The following RAB3A variants were observed in gnomAD, a reference collection of about 807,000 sequenced individuals.
RAB3A encodes the protein RAB3A, member RAS oncogene family, also known as ras-related protein Rab-3A.
In RAB3A, 5 loss-of-function variants were observed where a neutral mutation model predicts 19.7. The observed-to-expected ratio is 0.25, with a 90% CI of 0.13 to 0.53. The LOEUF is 0.53. RAB3A is among the 20% of genes least tolerant of loss of function. The pLI, the probability that RAB3A is intolerant of heterozygous loss-of-function variation, is 0.95. For missense variants in RAB3A, 189 were observed against 305.6 expected (o/e 0.62, Z 2.85); for synonymous variants, 119 against 122.1 (o/e 0.97, Z 0.17).
chr19:18,197,383 C>G lies in RAB3A; in HGVS notation c.*87G>C. On this transcript the variant is annotated 3_prime_UTR_variant, in exon 5 of 5. Coordinates refer to ENST00000222256, the MANE Select transcript of RAB3A (RefSeq NM_002866.5). ...TAAGTCAGGAGCAGGGGTCTTGTGC[C>G]CGTGGCTGGTAGGGGCCGGGTCAGG... 1 of 1,270,226 alleles carries G rather than the reference C, an allele frequency of 7.9e-7. No homozygotes were observed. The highest frequency in any genetic ancestry group is 1.1e-6 in the Non-Finnish European group (1 of 910,760). 78.7% of individuals were successfully genotyped at this position (1,270,226 alleles called of 1,614,324 possible).
At chr19:18,199,612 C>T (rs1967581273) in intron 3 of RAB3A, among the ~76,000 whole-genome samples, 1 of 151,954 alleles carries the variant, frequency 6.6e-6, no homozygotes, top group Admixed American at 6.6e-5. Context: ...CAACCTCCAC[C>T]TCCCGGGTTC....
chr19:18,201,948 C>T (rs1967619284), intron 2 of RAB3A, among the ~76,000 whole-genome samples: 1 of 151,848 alleles, frequency 6.6e-6, no homozygotes, highest in African/African-American at 2.4e-5. Flanking sequence ...TTAAAACTAA[C>T]AAGGCCAGGT....
chr19:18,199,611 C>T (rs1967581231), intron 3 of RAB3A, among the ~76,000 whole-genome samples: 1 of 151,934 alleles, frequency 6.6e-6, no homozygotes, highest in Non-Finnish European at 1.5e-5. Context: ...GCAACCTCCA[C>T]CTCCCGGGTT....
rs758944651 is a variant in RAB3A at position 18,202,468 on chromosome 19, G to A, written c.228+45C>T. ...AGGTTGGGGCTGCTTTTCCAAGTAC[G>A]GGAATCCAACCGAGCCGGGCGGGAG... On this transcript the variant is annotated intron_variant, in intron 2 of 4. Coordinates refer to ENST00000222256, the MANE Select transcript of RAB3A (RefSeq NM_002866.5). This position sits in a 1 kb window ranked among gnomAD's most constrained non-coding sequence, Gnocchi z 4.2. The A allele has an allele frequency of 5.6e-5, 87 of 1,555,108 alleles. No homozygotes were observed. Among genetic ancestry groups the A allele is most frequent in the Admixed American group, 1.2e-4 (7 of 59,354 alleles).
In RAB3A at chr19:18,197,512, G is replaced by A. The variant is rs772018564; in HGVS notation, c.621C>T (p.Leu207=). The A allele has an allele frequency of 1.2e-6, 2 of 1,613,216 alleles. No homozygotes were observed. Among genetic ancestry groups the A allele is most frequent in the East Asian group, 2.2e-5 (1 of 44,872 alleles). Residue 207 remains leucine, a synonymous_variant, in exon 5 of 5, where the codon CTC becomes CTT. Transcript: ENST00000222256. Reference sequence around the variant, plus strand: ...GGTGCGGTGGCACCTGCTGGTCACTGAGCTGTGGGCCCTGCTTGGCGCCTG... The same window carrying A: ...GGTGCGGTGGCACCTGCTGGTCACTAAGCTGTGGGCCCTGCTTGGCGCCTG... ...AVTGAKQGPQ[L]SDQQVPPHQD... is the part of the protein sequence containing the mutation.
chr19:18,200,251 C>G (rs986833071), intron 3 of RAB3A, 76 bp downstream of exon 3: 1 of 1,297,768 alleles, frequency 7.7e-7, no homozygotes, highest in Non-Finnish European at 1.1e-6. Context: ...CCACTGCACT[C>G]CAGCCTGGGT....
Position 18,198,594 on chromosome 19 carries a change from C to T in RAB3A, c.472+131G>A, listed in dbSNP as rs1600028352. ...CCCTCAGGATCCAACTCAAATGGCT[C>T]CTGGATGAAGGCTAGTTTGCAGAAA... On this transcript the variant is annotated intron_variant, in intron 4 of 4. Transcript: ENST00000222256. The T allele has an allele frequency of 3.3e-6, 4 of 1,200,912 alleles. No individual in the cohort carries two copies. The African/African-American group carries it at 6.1e-5, about 18-fold the overall frequency. 74.4% of individuals were successfully genotyped at this position (1,200,912 alleles called of 1,614,324 possible).
chr19:18,202,416 T>C lies in RAB3A; in HGVS notation c.228+97A>G, dbSNP rs916952023. 11 of 1,128,582 alleles carry C rather than the reference T, an allele frequency of 9.7e-6. No individual in the cohort carries two copies. Among genetic ancestry groups the C allele is most frequent in the Admixed American group, 1.9e-5 (1 of 53,508 alleles). 69.9% of individuals were successfully genotyped at this position (1,128,582 alleles called of 1,614,324 possible). ...GATAAATGCCCAGTGTGTAAGTGAATGACTCCAGTCAGGAAAGAGATAGAC... is the reference window on the plus strand; with the variant it reads ...GATAAATGCCCAGTGTGTAAGTGAACGACTCCAGTCAGGAAAGAGATAGAC... On this transcript the variant is annotated intron_variant, in intron 2 of 4. Transcript: ENST00000222256. The surrounding 1 kb of genome is among the most constrained non-coding windows in gnomAD (Gnocchi z 4.2).
rs1327840028 is a variant in RAB3A at position 18,202,056 on chromosome 19, C to A, written c.228+457G>T. On this transcript the variant is annotated intron_variant, in intron 2 of 4. Transcript: ENST00000222256. This position sits in a 1 kb window ranked among gnomAD's most constrained non-coding sequence, Gnocchi z 4.2. ...AAGACCAGCCTGGGCAGACATAGCC[C>A]GACCCTGTCTCTACAAAAAAGAAAA... Among the ~76,000 whole-genome samples the A allele has an allele frequency of 6.6e-6, 1 of 151,884 alleles. No homozygotes were observed. Among genetic ancestry groups the A allele is most frequent in the Non-Finnish European group, 1.5e-5 (1 of 67,990 alleles).
At chr19:18,201,317 C>T (rs1166278038) in intron 2 of RAB3A, among the ~76,000 whole-genome samples, 1 of 149,328 alleles carries the variant, frequency 6.7e-6, no homozygotes, top group East Asian at 2.0e-4. Flanking sequence ...CGTGGTGGCT[C>T]ATGCTTGTAA....
In RAB3A at chr19:18,198,899, C is replaced by T. The variant is rs748037530; in HGVS notation, c.348-50G>A. The T allele has an allele frequency of 2.5e-6, 4 of 1,594,056 alleles. No homozygotes were observed. The African/African-American group carries it at 5.4e-5, about 21-fold the overall frequency. ...GGTCAGGGCTTGGAGGATCCCAGCT[C>T]CACCCTGACGGGCTGATGTGGAGCC... On this transcript the variant is annotated intron_variant, in intron 3 of 4. Coordinates refer to ENST00000222256, the MANE Select transcript of RAB3A (RefSeq NM_002866.5).
chr19:18,198,208 C>T (rs927629799), intron 4 of RAB3A, among the ~76,000 whole-genome samples: 2 of 152,120 alleles, frequency 1.3e-5, no homozygotes, highest in Non-Finnish European at 2.9e-5. Context: ...TCCCTATTGC[C>T]CTCCAAAGAG....
Position 18,197,087 on chromosome 19 carries a change from C to T in RAB3A, c.*383G>A, listed in dbSNP as rs2147979454. The T allele has an allele frequency of 4.8e-6, 1 of 209,554 alleles. No individual in the cohort carries two copies. The highest frequency in any genetic ancestry group is 1.1e-4 in the East Asian group (1 of 8,962). 13.0% of individuals were successfully genotyped at this position (209,554 alleles called of 1,614,324 possible). On this transcript the variant is annotated 3_prime_UTR_variant, in exon 5 of 5. Coordinates refer to ENST00000222256, the MANE Select transcript of RAB3A (RefSeq NM_002866.5). ...GGGGCTGGCAGGCCTGGCCACCTCC[C>T]ATTGCCCGATCAGCCTGCTTTAGGG...
In RAB3A at chr19:18,203,882, G is replaced by C. The variant is rs1193442366; in HGVS notation, c.-1+14C>G. On this transcript the variant is annotated intron_variant, in intron 1 of 4. Transcript: ENST00000222256. ...GCTCGGAGCCTGAGCACACCCGGCC[G>C]CCCAGGAGCTCACCTTGCCCTGCAC... The C allele has an allele frequency of 6.5e-6, 1 of 153,084 alleles. No homozygotes were observed. Among genetic ancestry groups the C allele is most frequent in the Admixed American group, 6.5e-5 (1 of 15,286 alleles). 9.5% of individuals were successfully genotyped at this position (153,084 alleles called of 1,614,324 possible).
chr19:18,202,331 A>C lies in RAB3A; in HGVS notation c.228+182T>G, dbSNP rs2147983686. The C allele has an allele frequency of 1.7e-6, 1 of 579,506 alleles. No homozygotes were observed. The highest frequency in any genetic ancestry group is 3.1e-6 in the Non-Finnish European group (1 of 324,338). The allele number at this position is 579,506 out of a possible 1,614,324, so 35.9% of individuals were successfully genotyped here. A position where few individuals can be genotyped will look rare whatever the true frequency, so the allele number is the denominator to read the frequency against. On this transcript the variant is annotated intron_variant, in intron 2 of 4. Transcript: ENST00000222256. The surrounding 1 kb of genome is among the most constrained non-coding windows in gnomAD (Gnocchi z 4.2). ...ATGGGGAAACTGAGGGACCAGGATT[A>C]GGTGCTTATGGGAGAACACAGGTGC...
chr19:18,198,060 A>G (rs767829497), intron 4 of RAB3A, among the ~76,000 whole-genome samples: 1 of 151,688 alleles, frequency 6.6e-6, no homozygotes, highest in Non-Finnish European at 1.5e-5. Flanking sequence ...CTTCCTTCCT[A>G]AAATTGTGTC....
Position 18,196,972 on chromosome 19 carries a change from G to A in RAB3A, c.*498C>T, listed in dbSNP as rs1244864538. On this transcript the variant is annotated 3_prime_UTR_variant, in exon 5 of 5. Transcript: ENST00000222256. ...ACCCCCCCACCAAAAGAGAAAACGGGGAGAGGAGCCTGGCAGGCCAGACTC... is the reference window on the plus strand; with the variant it reads ...ACCCCCCCACCAAAAGAGAAAACGGAGAGAGGAGCCTGGCAGGCCAGACTC... 1 of 170,136 alleles carries A rather than the reference G, an allele frequency of 5.9e-6. No individual in the cohort carries two copies. The highest frequency in any genetic ancestry group is 1.3e-5 in the Non-Finnish European group (1 of 77,944). The allele number at this position is 170,136 out of a possible 1,614,324, so 10.5% of individuals were successfully genotyped here. A position where few individuals can be genotyped will look rare whatever the true frequency, so the allele number is the denominator to read the frequency against.
Position 18,198,814 on chromosome 19 carries a change from G to A in RAB3A, c.383C>T (p.Ala128Val). ...CTTGTTTCCTACCAGCAGCACCTGGGCATTGTCCCATGAGTAGGTCTTGAT... is the reference window on the plus strand; with the variant it reads ...CTTGTTTCCTACCAGCAGCACCTGGACATTGTCCCATGAGTAGGTCTTGAT... ...TQIKTYSWDN[A>V]QVLLVGNKCD... The change falls in exon 4 of 5, where the codon GCC becomes GTC. Residue 128 changes from alanine to valine, a missense_variant. By Grantham distance (64) the Ala-to-Val change is moderately conservative (BLOSUM62 0). Transcript: ENST00000222256. The A allele has an allele frequency of 6.2e-7, 1 of 1,614,106 alleles. No individual in the cohort carries two copies. Among genetic ancestry groups the A allele is most frequent in the Non-Finnish European group, 8.5e-7 (1 of 1,180,026 alleles).
At position 18,198,885 on chromosome 19, in the gene RAB3A, G is replaced by A. The variant is rs576136757; in HGVS notation, c.348-36C>T. ...CACCAATGGGGGCAGGTCAGGGCTT[G>A]GAGGATCCCAGCTCCACCCTGACGG... On this transcript the variant is annotated intron_variant, in intron 3 of 4. Coordinates refer to ENST00000222256, the MANE Select transcript of RAB3A (RefSeq NM_002866.5). 4.1e-5 allele frequency: 66 copies of A among 1,605,594 alleles called. 1 individual carries two copies. In the South Asian group the frequency reaches 7.2e-4, roughly 17 times the overall value.
Sources: allele counts gnomAD v4.1 joint callset (sites outside exome capture counted in the v4.1 genomes callset), GRCh38; gene constraint gnomAD v4.1.1; non-coding constraint Gnocchi (gnomAD v3.1); transcripts MANE v1.5; gene names NCBI Gene and HGNC (gene_info 2026-07-23, HGNC 2026-07-21).